PRRC2B: variants seen among roughly 807,000 people sequenced by gnomAD.
The protein encoded by PRRC2B is protein PRRC2B.
In PRRC2B, 68 loss-of-function variants were observed where a neutral mutation model predicts 242.3. That is an observed-to-expected ratio of 0.28 (90% confidence interval 0.23 to 0.34). The LOEUF is 0.34. Among genes scored for constraint, PRRC2B ranks in the 10% least tolerant of loss-of-function variants. The pLI is 1.00. For missense variants in PRRC2B, 2,835 were observed against 2,954.8 expected (o/e 0.96, Z 0.94); for synonymous variants, 1,228 against 1,173.6 (o/e 1.05, Z -0.95).
At chr9:131,380,853 G>A (rs574132080) in intron 1 of PRRC2B, among the ~76,000 whole-genome samples, 80 of 143,128 alleles carry the variant, frequency 5.6e-4, no homozygotes, top group African/African-American at 1.9e-3. Flanking sequence ...ACTCCAGCCC[G>A]GGTGACAGTG....
At chr9:131,421,303 G>A (rs535778740) in intron 1 of PRRC2B, among the ~76,000 whole-genome samples, 3 of 152,320 alleles carry the variant, frequency 2.0e-5, no homozygotes, top group South Asian at 2.1e-4. Flanking sequence ...AGGTGAGGTC[G>A]CCTTACTTAC....
At chr9:131,431,107 C>T (rs566955317) in intron 2 of PRRC2B, among the ~76,000 whole-genome samples, 2 of 152,066 alleles carry the variant, frequency 1.3e-5, no homozygotes, top group Admixed American at 6.6e-5. Flanking sequence ...TGTGCCACCA[C>T]GCCCGGCTAA....
At position 131,488,051 on chromosome 9, in the gene PRRC2B, T is replaced by C; in HGVS notation, c.6180T>C (p.Ala2060=). 1 of 1,613,384 alleles carries C rather than the reference T, an allele frequency of 6.2e-7. No individual in the cohort carries two copies. The highest frequency in any genetic ancestry group is 8.5e-7 in the Non-Finnish European group (1 of 1,179,606). The change falls in exon 28 of 32, where the codon GCT becomes GCC. Residue 2060 remains alanine, a synonymous_variant. Transcript: ENST00000683519. ...TCTACGAGGGCCAGCTCAGCCAGGC[T>C]GCTGGCCTGGGTGCCTCCCAGATGT... ...ALVYEGQLSQ[A]AGLGASQMLD... is the part of the protein sequence containing the mutation.
rs761511140 is a variant in PRRC2B at position 131,467,519 on chromosome 9, T to C, written c.1721-44T>C. On this transcript the variant is annotated intron_variant, in intron 12 of 31. Coordinates refer to ENST00000683519, the MANE Select transcript of PRRC2B (RefSeq NM_013318.4). ...TTGTAAACACTTGGTTGGCTGAGCT[T>C]CTGTGAGCTCACTGTGTCATTTCTC... 20 of 1,485,860 alleles carry C rather than the reference T, an allele frequency of 1.3e-5. 1 individual carries two copies. The South Asian group carries it at 2.0e-4, about 15-fold the overall frequency. The allele number at this position is 1,485,860 out of a possible 1,614,324, so 92.0% of individuals were successfully genotyped here.
rs553444971 is a variant in PRRC2B at position 131,462,836 on chromosome 9, T to TAAAAAAAAA, written c.1405-1915_1405-1907dup. ...CTGGGTGACAGAGTGAGACTCCGTC[T>TAAAAAAAAA]AAAAAAAAAAAAAAAAAAAAGGTCT... is the stretch of plus-strand genomic sequence containing the variant. On this transcript the variant is annotated intron_variant, in intron 11 of 31. Coordinates refer to ENST00000683519, the MANE Select transcript of PRRC2B (RefSeq NM_013318.4). Among the ~76,000 whole-genome samples the TAAAAAAAAA allele has an allele frequency of 1.8e-4, 15 of 81,936 alleles. 1 individual carries two copies. The highest frequency in any genetic ancestry group is 2.7e-4 in the Non-Finnish European group (12 of 44,534). 53.8% of individuals were successfully genotyped at this position (81,936 alleles called of 152,430 possible). A position where few individuals can be genotyped will look rare whatever the true frequency, so the allele number is the denominator to read the frequency against.
chr9:131,492,238 G>T lies in PRRC2B; in HGVS notation c.6451G>T (p.Val2151Leu), dbSNP rs547195022. The part of the protein sequence containing the change: ...SKQNVPSGGP[V>L]PSPQTYRPSS... ...ACAGAATGTCCCTTCAGGAGGCCCC[G>T]TGCCATCGCCACAGACCTACAGGTA... The change falls in exon 30 of 32, where the codon GTG becomes TTG. Residue 2151 changes from valine to leucine, a missense_variant. Val to Leu is a conservative substitution (Grantham distance 32, BLOSUM62 1). This residue lies in a region of PRRC2B where 574 missense variants were observed against 626.0 expected (regional missense o/e 0.92). Transcript: ENST00000683519. The T allele has an allele frequency of 6.2e-7, 1 of 1,613,788 alleles. No individual in the cohort carries two copies. Among genetic ancestry groups the T allele is most frequent in the South Asian group, 1.1e-5 (1 of 91,078 alleles).
In PRRC2B at chr9:131,475,244, A is replaced by C. The variant is rs1372566043; in HGVS notation, c.3115A>C (p.Ser1039Arg). 4.3e-6 allele frequency: 7 copies of C among 1,613,544 alleles called. No individual in the cohort carries two copies. Among genetic ancestry groups the C allele is most frequent in the Non-Finnish European group, 5.9e-6 (7 of 1,179,714 alleles). Reference sequence around the variant, plus strand: ...GGAAGCCAGACCCCCACGAGAGTCCAGCGATGTTCCCCCCATGAAGAGAAA... The same window carrying C: ...GGAAGCCAGACCCCCACGAGAGTCCCGCGATGTTCCCCCCATGAAGAGAAA... ...AWEARPPRES[S>R]DVPPMKRNNW... is the part of the protein sequence containing the mutation. The change falls in exon 16 of 32, where the codon AGC becomes CGC. Residue 1039 changes from serine (S) to arginine (R), a missense_variant. Physicochemically the swap from Ser to Arg is moderately radical, Grantham distance 110. Coordinates refer to ENST00000683519, the MANE Select transcript of PRRC2B (RefSeq NM_013318.4).
rs543661557 is a variant in PRRC2B at position 131,399,595 on chromosome 9, C to T, written c.-52+5332C>T. ...CTCCATCTGAAAAAAAAGGAAAATACTGAAAAGAATAAATGCCAAAATAAA... is the reference window on the plus strand; with the variant it reads ...CTCCATCTGAAAAAAAAGGAAAATATTGAAAAGAATAAATGCCAAAATAAA... On this transcript the variant is annotated intron_variant, in intron 1 of 31. Transcript: ENST00000683519. Among the ~76,000 whole-genome samples the T allele has an allele frequency of 2.0e-5, 3 of 151,980 alleles. No individual in the cohort carries two copies. The South Asian group carries it at 6.2e-4, about 32-fold the overall frequency.
intron 2 of PRRC2B, among the ~76,000 whole-genome samples, chr9:131,430,524 TAG>T (rs1838115113): frequency 1.4e-5 from 2 of 147,590 alleles, no homozygotes; most frequent in Non-Finnish European, 3.0e-5. Context: ...GATAGATAGA[TAG>T]ATATCTATCT....
Position 131,475,429 on chromosome 9 carries a change from C to T in PRRC2B, c.3300C>T (p.Tyr1100=), listed in dbSNP as rs1943662662. Residue 1100 remains tyrosine, a synonymous_variant, in exon 16 of 32, where the codon TAC becomes TAT. Transcript: ENST00000683519. ...GGGTCCTGGGGGCCCGCAGCATCTA[C>T]TGCAGCAGTCAGCGCAGCGGCCGTG... ...GGGVLGARSI[Y]CSSQRSGRGR... 3 of 1,580,400 alleles carry T rather than the reference C, an allele frequency of 1.9e-6. No individual in the cohort carries two copies. Among genetic ancestry groups the T allele is most frequent in the Non-Finnish European group, 2.6e-6 (3 of 1,163,742 alleles).
intron 10 of PRRC2B, 116 bp downstream of exon 10, chr9:131,455,282 C>T: frequency 1.4e-6 from 1 of 730,572 alleles, no homozygotes; most frequent in Non-Finnish European, 2.3e-6. Flanking sequence ...ATGCTGTTTC[C>T]ACTTTGTTTT....
chr9:131,433,565 G>A (rs1190998050), intron 3 of PRRC2B, among the ~76,000 whole-genome samples: 1 of 152,246 alleles, frequency 6.6e-6, no homozygotes, highest in East Asian at 1.9e-4. Context: ...GGAAGGGGAT[G>A]TGTTCAGGGA....
chr9:131,411,056 G>T (rs1837494063), intron 1 of PRRC2B, among the ~76,000 whole-genome samples: 1 of 152,064 alleles, frequency 6.6e-6, no homozygotes, highest in African/African-American at 2.4e-5. Flanking sequence ...AAGAGTTGGA[G>T]ACCAGCCTGG....
intron 1 of PRRC2B, among the ~76,000 whole-genome samples, chr9:131,388,855 T>C (rs1008787507): frequency 1.4e-5 from 2 of 139,366 alleles, no homozygotes; most frequent in Admixed American, 1.5e-4. Context: ...TTTTTTTTTT[T>C]TTTGAGACGG....
At chr9:131,419,557 GGA>G (rs913645001) in intron 1 of PRRC2B, among the ~76,000 whole-genome samples, 1 of 152,196 alleles carries the variant, frequency 6.6e-6, no homozygotes, top group African/African-American at 2.4e-5. Context: ...TGGGTGGGCT[GGA>G]GAGAGAACAA....
rs760602498 is a variant in PRRC2B at position 131,491,527 on chromosome 9, C to G, written c.6328C>G (p.Arg2110Gly). The change falls in exon 29 of 32, where the codon CGA (arginine) becomes GGA (glycine). Residue 2110 changes from arginine (R) to glycine (G), a missense_variant. Arg to Gly is a moderately radical substitution (Grantham distance 125). Coordinates refer to ENST00000683519, the MANE Select transcript of PRRC2B (RefSeq NM_013318.4). ...PGQSLSVGAPRRIPPPGSQPP... is the reference protein window; with the variant it reads ...PGQSLSVGAPGRIPPPGSQPP... ...GCAGAGCCTCTCCGTTGGGGCCCCC[C>G]GAAGGATTCCTCCGCCCGGGTCCCA... The G allele has an allele frequency of 1.9e-6, 3 of 1,612,188 alleles. No individual in the cohort carries two copies. Among genetic ancestry groups the G allele is most frequent in the Non-Finnish European group, 2.5e-6 (3 of 1,179,510 alleles).
Position 131,466,623 on chromosome 9 carries a change from CCT to C in PRRC2B, c.1721-939_1721-938del, listed in dbSNP as rs1491559819. ...GAGTTCATGGCTGTTCTCTATCAGT[CCT>C]TTTTTTTTTGCTGGGGGGAGATGGA... On this transcript the variant is annotated intron_variant, in intron 12 of 31. Coordinates refer to ENST00000683519, the MANE Select transcript of PRRC2B (RefSeq NM_013318.4). 2.5e-3 allele frequency among the ~76,000 whole-genome samples: 85 copies of C among 34,660 alleles called. 3 individuals are homozygous for C. In the South Asian group the frequency reaches 0.17, roughly 69 times the overall value. 22.7% of individuals were successfully genotyped at this position (34,660 alleles called of 152,430 possible). A position where few individuals can be genotyped will look rare whatever the true frequency, so the allele number is the denominator to read the frequency against.
Position 131,496,060 on chromosome 9 carries a change from C to A in PRRC2B, c.*186C>A. The A allele has an allele frequency of 1.4e-6, 1 of 717,452 alleles. No individual in the cohort carries two copies. Among genetic ancestry groups the A allele is most frequent in the Non-Finnish European group, 2.2e-6 (1 of 449,006 alleles). The allele number at this position is 717,452 out of a possible 1,614,324, so 44.4% of individuals were successfully genotyped here. A position where few individuals can be genotyped will look rare whatever the true frequency, so the allele number is the denominator to read the frequency against. The stretch of plus-strand genomic sequence containing the variant: ...CCAGCTTGCACCCGTGGATATATGG[C>A]ATTGACCCGCTTGCTTTGATACGAA... On this transcript the variant is annotated 3_prime_UTR_variant, in exon 32 of 32. Transcript: ENST00000683519.
At chr9:131,387,032 G>A (rs1836835735) in intron 1 of PRRC2B, among the ~76,000 whole-genome samples, 1 of 148,948 alleles carries the variant, frequency 6.7e-6, no homozygotes, top group African/African-American at 2.4e-5. Context: ...AGACAGTCTC[G>A]CTCTTGTTGC....
Sources: allele counts gnomAD v4.1 joint callset (sites outside exome capture counted in the v4.1 genomes callset), GRCh38; gene constraint gnomAD v4.1.1; regional missense constraint gnomAD v4.1.1; transcripts MANE v1.5; gene names NCBI Gene and HGNC (gene_info 2026-07-23, HGNC 2026-07-21).